The following MS4A14 variants were observed in gnomAD, a reference collection of about 807,000 sequenced individuals.
MS4A14 encodes the protein membrane spanning 4-domains A14.
A neutral mutation model predicts 16.7 loss-of-function variants in MS4A14; 18 were observed. The observed-to-expected ratio is 1.08, with a 90% confidence interval of 0.75 to 1.60. MS4A14 has a LOEUF of 1.60. Among genes scored for constraint, MS4A14 ranks in the 40% most tolerant of loss-of-function variants. The probability of loss-of-function intolerance (pLI) is 0.00; values close to 1 mark genes in which losing one functional copy is unlikely to be tolerated. For synonymous variants in MS4A14, 305 were observed against 289.4 expected, an observed-to-expected ratio of 1.05 and a Z score of -0.55; for missense variants, 812 against 775.3, an observed-to-expected ratio of 1.05 and a Z score of -0.56.
rs756018369 is a variant in MS4A14 at position 60,416,585 on chromosome 11, C to G, written c.1617C>G (p.Asp539Glu). ...AATCCTTAGACCAGCAAATCAAAGA[C>G]TGGCTATCCCCAAAGAGGCACTCCG... ...KQKSLDQQIK[D>E]WLSPKRHSVD... is the part of the protein sequence containing the mutation. Residue 539 changes from aspartate (D) to glutamate (E), a missense_variant, in exon 5 of 5, where the codon GAC (aspartate) becomes GAG (glutamate). By Grantham distance (45) the Asp-to-Glu change is conservative. Transcript: ENST00000300187. The G allele has an allele frequency of 1.7e-5, 28 of 1,613,748 alleles. No homozygotes were observed. Among genetic ancestry groups the G allele is most frequent in the Non-Finnish European group, 2.4e-5 (28 of 1,179,944 alleles).
chr11:60,408,318 A>G (rs572643254), intron 4 of MS4A14, among the ~76,000 whole-genome samples: 2 of 152,296 alleles, frequency 1.3e-5, no homozygotes, highest in South Asian at 2.1e-4. Flanking sequence ...GGTGAAATAT[A>G]TATAACATAA....
chr11:60,396,611 T>C lies in MS4A14; in HGVS notation c.33T>C (p.Thr11=), dbSNP rs2085624585. The C allele has an allele frequency of 3.1e-6, 5 of 1,613,990 alleles. No homozygotes were observed. In the East Asian group the frequency reaches 1.1e-4, roughly 36 times the overall value. The change falls in exon 1 of 5, where the codon ACT becomes ACC. Residue 11 remains threonine (T), a synonymous_variant. Transcript: ENST00000300187. The part of the protein sequence containing the change: MESTSQDRRA[T]HVITIKPNET... ...CAACATCCCAGGACAGAAGGGCAAC[T>C]CACGTCATCACTATAAAACCAAACG...
In MS4A14 at chr11:60,398,029, T is replaced by A. The variant is rs75332833; in HGVS notation, c.267+49T>A. 7,800 of 1,597,944 alleles carry A rather than the reference T, an allele frequency of 4.9e-3. 347 individuals carry two copies. In the Admixed American group the frequency reaches 0.089, roughly 18 times the overall value. On this transcript the variant is annotated intron_variant, in intron 2 of 4. Coordinates refer to ENST00000300187, the MANE Select transcript of MS4A14 (RefSeq NM_032597.5). ...TTGGAGAAATTGCTATAAAGATAGA[T>A]TTGAACTGCTTCACGTCCTAGGGTA...
chr11:60,413,891 C>A (rs180853886), intron 4 of MS4A14, among the ~76,000 whole-genome samples: 155 of 152,192 alleles, frequency 1.0e-3, no homozygotes, highest in African/African-American at 3.6e-3. Flanking sequence ...ATACAAGAAG[C>A]ATAGATCAGA....
In MS4A14 at chr11:60,397,952, C is replaced by T; in HGVS notation, c.239C>T (p.Thr80Ile). ...CAAAGACTTCCCCTTGTTGTCCTCA[C>T]AGGATATCCATTCTGGGGAGCACTT... ...FSQRLPLVVL[T>I]GYPFWGALIF... The change falls in exon 2 of 5, where the codon ACA (threonine) becomes ATA (isoleucine). Residue 80 changes from threonine (T) to isoleucine (I), a missense_variant. Physicochemically the swap from Thr to Ile is moderately conservative, Grantham distance 89. Coordinates refer to ENST00000300187, the MANE Select transcript of MS4A14 (RefSeq NM_032597.5). The T allele has an allele frequency of 6.2e-7, 1 of 1,613,588 alleles. No homozygotes were observed. Among genetic ancestry groups the T allele is most frequent in the Non-Finnish European group, 8.5e-7 (1 of 1,179,624 alleles).
chr11:60,405,919 A>G (rs775740896), intron 4 of MS4A14: 2 of 1,534,952 alleles, frequency 1.3e-6, no homozygotes, highest in Admixed American at 4.0e-5. Context: ...GATCATCAGC[A>G]TAGCAGAGCT....
At chr11:60,402,253 G>C (rs1166035428) in intron 3 of MS4A14, among the ~76,000 whole-genome samples, 5 of 148,656 alleles carry the variant, frequency 3.4e-5, no homozygotes, top group Non-Finnish European at 7.4e-5. Context: ...ATGAGTTCAA[G>C]AAAAAACACC....
intron 4 of MS4A14, chr11:60,406,066 A>C: frequency 2.2e-6 from 2 of 894,256 alleles, no homozygotes; most frequent in Middle Eastern, 2.3e-4. Context: ...ATGATGTCTG[A>C]TTTATTAGTA....
chr11:60,401,115 G>A (rs2085707160), intron 3 of MS4A14, among the ~76,000 whole-genome samples: 1 of 152,178 alleles, frequency 6.6e-6, no homozygotes, highest in South Asian at 2.1e-4. Flanking sequence ...GAAGGGAAAA[G>A]TGCCTACTTC....
chr11:60,410,288 G>A (rs1373195296), intron 4 of MS4A14, among the ~76,000 whole-genome samples: 1 of 152,120 alleles, frequency 6.6e-6, no homozygotes, highest in Non-Finnish European at 1.5e-5. Flanking sequence ...AGTCTTGCCT[G>A]TTTCTTAATT....
chr11:60,408,914 C>A (rs1246318532), intron 4 of MS4A14, among the ~76,000 whole-genome samples: 1 of 152,164 alleles, frequency 6.6e-6, no homozygotes, highest in East Asian at 1.9e-4. Flanking sequence ...TCTTACATTT[C>A]CACTAGCAGT....
intron 4 of MS4A14, among the ~76,000 whole-genome samples, chr11:60,413,733 A>C (rs191071898): frequency 6.6e-6 from 1 of 152,120 alleles, no homozygotes; most frequent in African/African-American, 2.4e-5. Flanking sequence ...ATAATAAAAT[A>C]TGTACCTTGA....
At chr11:60,404,670 A>G (rs1445530684) in intron 4 of MS4A14, 2 of 445,554 alleles carry the variant, frequency 4.5e-6, no homozygotes, top group African/African-American at 2.0e-5. Context: ...TCACCAGGCC[A>G]GTTATACAAT....
At position 60,396,492 on chromosome 11, in the gene MS4A14, C is replaced by T; in HGVS notation, c.-87C>T. The T allele has an allele frequency of 2.7e-6, 4 of 1,479,492 alleles. No individual in the cohort carries two copies. Among genetic ancestry groups the T allele is most frequent in the Non-Finnish European group, 3.7e-6 (4 of 1,086,758 alleles). The allele number at this position is 1,479,492 out of a possible 1,614,324, so 91.6% of individuals were successfully genotyped here. On this transcript the variant is annotated 5_prime_UTR_variant, in exon 1 of 5. Transcript: ENST00000300187. ...CACTAAGGGCTCATCTCTGAGGGCT[C>T]CATGTGACTCTGGTGGAGAGGTAGA... is the stretch of plus-strand genomic sequence containing the variant.
In MS4A14 at chr11:60,416,841, C is replaced by G. The variant is rs1292793601; in HGVS notation, c.1873C>G (p.Gln625Glu). 1.9e-6 allele frequency: 3 copies of G among 1,613,680 alleles called. No homozygotes were observed. In the East Asian group the frequency reaches 6.7e-5, roughly 36 times the overall value. ...CCCGAAAGGACAATTCCAAAATGTT[C>G]AAGCCGAAGGACAGCAAGCTCAGGT... ...KSPKGQFQNV[Q>E]AEGQQAQVEK... Residue 625 changes from glutamine (Q) to glutamate (E), a missense_variant, in exon 5 of 5, where the codon CAA becomes GAA. By Grantham distance (29) the Gln-to-Glu change is conservative. Transcript: ENST00000300187.
In MS4A14 at chr11:60,415,909, A is replaced by G; in HGVS notation, c.941A>G (p.Asp314Gly). The change falls in exon 5 of 5, where the codon GAT becomes GGT. Residue 314 changes from aspartate to glycine, a missense_variant. By Grantham distance (94) the Asp-to-Gly change is moderately conservative. Transcript: ENST00000300187. ...FPSHSALKLE[D>G]ISPEDLPSQA... is the part of the protein sequence containing the mutation. ...TCCCATTCTGCACTAAAACTCGAAG[A>G]TATATCACCTGAAGACTTGCCATCC... The G allele has an allele frequency of 6.2e-7, 1 of 1,613,982 alleles. No individual in the cohort carries two copies. The highest frequency in any genetic ancestry group is 8.5e-7 in the Non-Finnish European group (1 of 1,179,946).
Position 60,417,656 on chromosome 11 carries a change from T to A in MS4A14, c.*648T>A, listed in dbSNP as rs2085966658. The A allele has an allele frequency of 6.6e-6, 1 of 152,176 alleles. No homozygotes were observed. The highest frequency in any genetic ancestry group is 1.5e-5 in the Non-Finnish European group (1 of 68,040). 9.4% of individuals were successfully genotyped at this position (152,176 alleles called of 1,614,324 possible). ...GCATGCTGAGCACTCAAACAATTTG[T>A]TCTTACTTAAAATAAAATGACAACA... On this transcript the variant is annotated 3_prime_UTR_variant, in exon 5 of 5. Coordinates refer to ENST00000300187, the MANE Select transcript of MS4A14 (RefSeq NM_032597.5).
At chr11:60,403,608 T>C (rs2085746629) in intron 4 of MS4A14, among the ~76,000 whole-genome samples, 1 of 152,220 alleles carries the variant, frequency 6.6e-6, no homozygotes, top group Non-Finnish European at 1.5e-5. Context: ...GGCAATTTTA[T>C]TCATTAAAGC....
In MS4A14 at chr11:60,415,580, C is replaced by T. The variant is rs948302890; in HGVS notation, c.612C>T (p.Gly204=). 6 of 1,613,632 alleles carry T rather than the reference C, an allele frequency of 3.7e-6. No homozygotes were observed. Among genetic ancestry groups the T allele is most frequent in the African/African-American group, 2.7e-5 (2 of 74,870 alleles). ...TTNAQSVIFG[G]YAFFKLTLSR... ...ATGCACAATCTGTTATCTTTGGAGGCTATGCTTTCTTCAAGTTAACACTCT... is the reference window on the plus strand; with the variant it reads ...ATGCACAATCTGTTATCTTTGGAGGTTATGCTTTCTTCAAGTTAACACTCT... The change falls in exon 5 of 5, where the codon GGC becomes GGT. Residue 204 remains glycine (G), a synonymous_variant. Coordinates refer to ENST00000300187, the MANE Select transcript of MS4A14 (RefSeq NM_032597.5).
Sources: allele counts gnomAD v4.1 joint callset (sites outside exome capture counted in the v4.1 genomes callset), GRCh38; gene constraint gnomAD v4.1.1; transcripts MANE v1.5; gene names NCBI Gene and HGNC (gene_info 2026-07-23, HGNC 2026-07-21).